OSBPL1A: variants seen among roughly 807,000 people sequenced by gnomAD.
The protein encoded by OSBPL1A is oxysterol-binding protein-related protein 1.
In OSBPL1A, 80 loss-of-function variants were observed where a neutral mutation model predicts 137.1. The ratio of observed to expected loss-of-function variants is 0.58; its 90% CI spans 0.49 to 0.70. The LOEUF (loss-of-function observed/expected upper bound fraction) is 0.70, where lower values mean the gene tolerates loss of function less well. Ranked by LOEUF, OSBPL1A falls within the 30% of genes least tolerant of loss-of-function variation. The pLI is 0.00. For missense variants in OSBPL1A, 970 were observed against 1,129.4 expected, an observed-to-expected ratio of 0.86 and a Z score of 2.02; for synonymous variants, 365 against 389.7, an observed-to-expected ratio of 0.94 and a Z score of 0.75.
chr18:24,267,672 A>T (rs2146051367), intron 15 of OSBPL1A, among the ~76,000 whole-genome samples: 2 of 152,324 alleles, frequency 1.3e-5, no homozygotes, highest in South Asian at 4.1e-4. Flanking sequence ...GCAGATTTAA[A>T]AAAACCATAC....
chr18:24,276,710 C>T (rs762137354), intron 15 of OSBPL1A, among the ~76,000 whole-genome samples: 9 of 152,162 alleles, frequency 5.9e-5, no homozygotes, highest in Non-Finnish European at 8.8e-5. Context: ...CCCTCAGCCT[C>T]CCAAAGTGCT....
intron 11 of OSBPL1A, among the ~76,000 whole-genome samples, chr18:24,315,912 A>G (rs1488454765): frequency 7.4e-6 from 1 of 135,410 alleles, no homozygotes; most frequent in African/African-American, 2.8e-5. Flanking sequence ...ATATTATATA[A>G]TATTATAATT....
chr18:24,313,239 G>A (rs1217642035), intron 12 of OSBPL1A, among the ~76,000 whole-genome samples: 2 of 151,394 alleles, frequency 1.3e-5, no homozygotes, highest in Non-Finnish European at 1.5e-5. Context: ...TCAGGATTTC[G>A]AGACCAGCCT....
intron 5 of OSBPL1A, among the ~76,000 whole-genome samples, chr18:24,336,237 A>G (rs980685488): frequency 6.6e-6 from 1 of 152,226 alleles, no homozygotes; most frequent in African/African-American, 2.4e-5. Flanking sequence ...GAATATTCAA[A>G]TAATGCTTAA....
At chr18:24,168,127 G>A (rs1301076555) in intron 24 of OSBPL1A, among the ~76,000 whole-genome samples, 1 of 152,014 alleles carries the variant, frequency 6.6e-6, no homozygotes, top group Non-Finnish European at 1.5e-5. Context: ...TTGAGATAGG[G>A]TCTTGCTCTG....
chr18:24,232,618 T>G (rs1265885100), intron 16 of OSBPL1A, among the ~76,000 whole-genome samples: 1 of 152,236 alleles, frequency 6.6e-6, no homozygotes, highest in East Asian at 1.9e-4. Context: ...ATTTGTCTTG[T>G]TTCTCAACAT....
At chr18:24,222,285 G>A (rs1037310895) in intron 17 of OSBPL1A, among the ~76,000 whole-genome samples, 24 of 152,170 alleles carry the variant, frequency 1.6e-4, no homozygotes, top group African/African-American at 5.5e-4. Flanking sequence ...TTAATATAAT[G>A]AATAACATTT....
rs1410246788 is a variant in OSBPL1A, at chr18:24,196,105, T to A, written c.1677+20A>T. 1 of 1,580,628 alleles carries A rather than the reference T, an allele frequency of 6.3e-7. No homozygotes were observed. The highest frequency in any genetic ancestry group is 8.7e-7 in the Non-Finnish European group (1 of 1,152,730). ...TTAAACATATCTGCTTAATATCATA[T>A]GACAAAACCATTAATTTACCATTCC... On this transcript the variant is annotated intron_variant, in intron 18 of 27. Transcript: ENST00000319481.
chr18:24,272,635 T>C (rs2089750687), intron 15 of OSBPL1A, among the ~76,000 whole-genome samples: 1 of 152,208 alleles, frequency 6.6e-6, no homozygotes, highest in African/African-American at 2.4e-5. Context: ...AATCTTTTTG[T>C]TTCAACATGT....
chr18:24,238,273 T>C (rs1427138900), intron 16 of OSBPL1A, among the ~76,000 whole-genome samples: 1 of 152,224 alleles, frequency 6.6e-6, no homozygotes, highest in Admixed American at 6.5e-5. Flanking sequence ...TCAGTAACTG[T>C]ATATGCTCAC....
intron 17 of OSBPL1A, among the ~76,000 whole-genome samples, chr18:24,213,152 G>A (rs1004469374): frequency 1.3e-5 from 2 of 152,154 alleles, no homozygotes; most frequent in African/African-American, 2.4e-5. Context: ...TAAAATTAGC[G>A]TAGCGTCTTA....
chr18:24,196,345 A>G, intron 17 of OSBPL1A, 145 bp from the exon 18 acceptor site: 1 of 623,094 alleles, frequency 1.6e-6, no homozygotes, highest in Non-Finnish European at 2.8e-6. Context: ...AAGCAGGGCT[A>G]ATCTAGGGTT....
Position 24,338,422 on chromosome 18 carries a change from C to T in OSBPL1A, c.394+3125G>A, listed in dbSNP as rs143830833. Reference sequence around the variant, plus strand: ...AAAGACAAGATGTAGAAGAAGGCTGCGTTAGTAATAGTGCCTAACAATAGT... The same window carrying T: ...AAAGACAAGATGTAGAAGAAGGCTGTGTTAGTAATAGTGCCTAACAATAGT... On this transcript the variant is annotated intron_variant, in intron 5 of 27. Coordinates refer to ENST00000319481, the MANE Select transcript of OSBPL1A (RefSeq NM_080597.4). 5.3e-5 allele frequency among the ~76,000 whole-genome samples: 8 copies of T among 152,152 alleles called. No homozygotes were observed. The East Asian group carries it at 1.4e-3, about 26-fold the overall frequency.
chr18:24,326,416 A>G (rs1414057088), intron 7 of OSBPL1A, among the ~76,000 whole-genome samples: 2 of 152,202 alleles, frequency 1.3e-5, no homozygotes, highest in African/African-American at 2.4e-5. Context: ...TCCTGCCCCT[A>G]AAGTCCCAAG....
At position 24,366,980 on chromosome 18, in the gene OSBPL1A, C is replaced by G. The variant is rs775142931; in HGVS notation, c.208-14G>C. The G allele has an allele frequency of 3.1e-6, 5 of 1,596,796 alleles. No homozygotes were observed. The highest frequency in any genetic ancestry group is 4.3e-6 in the Non-Finnish European group (5 of 1,171,358). On this transcript the variant is annotated splice_polypyrimidine_tract_variant and intron_variant, in intron 3 of 27. Transcript: ENST00000319481. ...TTCTGCACCAGCCTAGTAAACATGA[C>G]CACTTTAAATACCAAGAAATATACA...
At chr18:24,375,435 G>A (rs1440230842) in intron 2 of OSBPL1A, among the ~76,000 whole-genome samples, 1 of 150,444 alleles carries the variant, frequency 6.6e-6, no homozygotes, top group Non-Finnish European at 1.5e-5. Context: ...TTGAGAACAC[G>A]TTTTATTTCT....
chr18:24,208,381 A>G (rs780052932), intron 17 of OSBPL1A, among the ~76,000 whole-genome samples: 6 of 152,238 alleles, frequency 3.9e-5, no homozygotes, highest in Non-Finnish European at 5.9e-5. Context: ...AGAAAAGCCT[A>G]GCAATCTCAC....
chr18:24,179,725 T>G lies in OSBPL1A; in HGVS notation c.1910+13A>C. On this transcript the variant is annotated intron_variant, in intron 20 of 27. Coordinates refer to ENST00000319481, the MANE Select transcript of OSBPL1A (RefSeq NM_080597.4). ...TGCAACGCTGTATAAAGCATGCAAG[T>G]GAAAGGCCTCACCGCACTAATTCAT... 3.1e-6 allele frequency: 5 copies of G among 1,608,672 alleles called. No individual in the cohort carries two copies. Among genetic ancestry groups the G allele is most frequent in the Non-Finnish European group, 4.3e-6 (5 of 1,174,978 alleles).
intron 16 of OSBPL1A, among the ~76,000 whole-genome samples, chr18:24,233,570 T>C (rs1397841592): frequency 6.6e-6 from 1 of 152,244 alleles, no homozygotes; most frequent in Non-Finnish European, 1.5e-5. Flanking sequence ...GAACTCTGAT[T>C]CTGTGCTACG....
Sources: allele counts gnomAD v4.1 joint callset (sites outside exome capture counted in the v4.1 genomes callset), GRCh38; gene constraint gnomAD v4.1.1; transcripts MANE v1.5; gene names NCBI Gene and HGNC (gene_info 2026-07-23, HGNC 2026-07-21).